The following PRDM2 variants were observed in gnomAD, a reference collection of about 807,000 sequenced individuals.
PRDM2 encodes PR domain zinc finger protein 2.
Under a neutral mutation model 130.0 loss-of-function variants are expected in PRDM2, and 30 were observed. The ratio of observed to expected loss-of-function variants is 0.23; its 90% CI spans 0.17 to 0.31. PRDM2 has a LOEUF of 0.31. Ranked by LOEUF, PRDM2 falls within the 10% of genes least tolerant of loss-of-function variation. PRDM2 has a pLI of 1.00. For synonymous variants in PRDM2, 871 were observed against 782.4 expected, an observed-to-expected ratio of 1.11 and a Z score of -1.89; for missense variants, 2,011 against 2,108.4, an observed-to-expected ratio of 0.95 and a Z score of 0.90.
chr1:13,741,780 C>T (rs532762922), intron 4 of PRDM2, among the ~76,000 whole-genome samples: 121 of 115,588 alleles, frequency 1.0e-3, no homozygotes, highest in African/African-American at 3.9e-3. Flanking sequence ...GTGGGGGGCG[C>T]GGGGCAAACA....
Position 13,823,290 on chromosome 1 carries a change from CGTGT to C in PRDM2, c.*160_*163del. ...ATGTGCGCGCGTGCATGTGTGCGTG[CGTGT>C]GTGTTCACGTGTTCTCGTGCGGGCG... On this transcript the variant is annotated 3_prime_UTR_variant, in exon 10 of 10. Transcript: ENST00000311066. The C allele has an allele frequency of 7.6e-7, 1 of 1,317,602 alleles. No individual in the cohort carries two copies. The highest frequency in any genetic ancestry group is 1.1e-6 in the Non-Finnish European group (1 of 926,294). 81.6% of individuals were successfully genotyped at this position (1,317,602 alleles called of 1,614,324 possible).
At chr1:13,741,766 A>C (rs369322156) in intron 4 of PRDM2, among the ~76,000 whole-genome samples, 3 of 59,384 alleles carry the variant, frequency 5.1e-5, no homozygotes, top group South Asian at 5.0e-4. Context: ...GTGTGTGTGT[A>C]GGGGTGGGGG....
intron 2 of PRDM2, among the ~76,000 whole-genome samples, chr1:13,718,998 A>G (rs928086781): frequency 6.6e-6 from 1 of 152,208 alleles, no homozygotes; most frequent in African/African-American, 2.4e-5. Context: ...TGGGTTCTGC[A>G]GTGAACTAGG....
At chr1:13,814,770 G>A (rs547883485) in intron 8 of PRDM2, among the ~76,000 whole-genome samples, 1 of 152,262 alleles carries the variant, frequency 6.6e-6, no homozygotes, top group South Asian at 2.1e-4. Flanking sequence ...TCCTGTTCCC[G>A]CAGGCAGAGC....
chr1:13,769,148 C>T (rs1255420999), intron 6 of PRDM2: 3 of 985,614 alleles, frequency 3.0e-6, no homozygotes, highest in African/African-American at 1.7e-5. Flanking sequence ...GGCAGTAGCG[C>T]CCTGTAGGAC....
At chr1:13,768,364 T>G (rs1180617930) in intron 6 of PRDM2, among the ~76,000 whole-genome samples, 2 of 150,476 alleles carry the variant, frequency 1.3e-5, no homozygotes, top group Non-Finnish European at 3.0e-5. Flanking sequence ...ATTACAGGCG[T>G]GAGCCACCGC....
chr1:13,806,736 C>T lies in PRDM2; in HGVS notation c.5037-9691C>T, dbSNP rs1396677419. 4.6e-5 allele frequency among the ~76,000 whole-genome samples: 7 copies of T among 152,190 alleles called. No individual in the cohort carries two copies. The highest frequency in any genetic ancestry group is 7.2e-5 in the African/African-American group (3 of 41,448). ...CCCCAGTTCCTTCCCTGTCAACCCA[C>T]GGTCTGTGCCCAGCACAGCAGCCAC... On this transcript the variant is annotated intron_variant, in intron 8 of 9. Transcript: ENST00000311066. This position sits in a 1 kb window ranked among gnomAD's most constrained non-coding sequence, Gnocchi z 4.1.
At chr1:13,810,262 A>G (rs1220993343) in intron 8 of PRDM2, among the ~76,000 whole-genome samples, 3 of 152,168 alleles carry the variant, frequency 2.0e-5, no homozygotes, top group Admixed American at 2.0e-4. Context: ...GGCCTGGCAC[A>G]TAGTATTTCC....
At chr1:13,730,734 T>A (rs763614369) in intron 2 of PRDM2, among the ~76,000 whole-genome samples, 5 of 152,202 alleles carry the variant, frequency 3.3e-5, no homozygotes, top group Non-Finnish European at 5.9e-5. Flanking sequence ...GCAGAGATTA[T>A]CATATTTTGG....
intron 4 of PRDM2, among the ~76,000 whole-genome samples, chr1:13,737,930 T>A (rs1465306600): frequency 6.6e-6 from 1 of 152,152 alleles, no homozygotes; most frequent in African/African-American, 2.4e-5. Context: ...CTCATGGAAA[T>A]TTTTATTTGT....
At chr1:13,763,003 G>A (rs923391172) in intron 6 of PRDM2, among the ~76,000 whole-genome samples, 4 of 152,202 alleles carry the variant, frequency 2.6e-5, no homozygotes, top group Non-Finnish European at 5.9e-5. Context: ...ATGGTGGGCC[G>A]AGTGATTAGG....
chr1:13,801,578 C>G (rs1210068667), intron 8 of PRDM2, among the ~76,000 whole-genome samples: 1 of 152,250 alleles, frequency 6.6e-6, no homozygotes, highest in Non-Finnish European at 1.5e-5. Context: ...CCTAACTTCT[C>G]TGTGCCTTAG....
At chr1:13,769,647 G>T (rs1441933728) in intron 6 of PRDM2, among the ~76,000 whole-genome samples, 3 of 152,142 alleles carry the variant, frequency 2.0e-5, no homozygotes, top group African/African-American at 7.2e-5. Context: ...TCAATTCCAT[G>T]GATGAATGAT....
chr1:13,769,095 T>A (rs1204163023), intron 6 of PRDM2: 1 of 976,876 alleles, frequency 1.0e-6, no homozygotes, highest in Admixed American at 6.2e-5. Flanking sequence ...TTCCCTTGTG[T>A]TTCATTCCTC....
rs1367677710 is a variant in PRDM2, at chr1:13,781,977, C to T, written c.4182C>T (p.Phe1394=). 6.2e-6 allele frequency: 10 copies of T among 1,614,032 alleles called. No individual in the cohort carries two copies. The Admixed American group carries it at 1.5e-4, about 24-fold the overall frequency. ...VVLDNSGKNA[F]RRMGQPKRLN... is the part of the protein sequence containing the mutation. ...TAGATAACTCTGGGAAAAATGCCTT[C>T]CGACGAATGGGACAGCCCAAAAGGC... The change falls in exon 8 of 10, where the codon TTC becomes TTT. Residue 1394 remains phenylalanine, a synonymous_variant. Transcript: ENST00000311066. The surrounding 1 kb of genome is among the most constrained non-coding windows in gnomAD (Gnocchi z 6.1).
At chr1:13,734,336 C>A (rs1220731216) in intron 4 of PRDM2, among the ~76,000 whole-genome samples, 1 of 152,166 alleles carries the variant, frequency 6.6e-6, no homozygotes, top group African/African-American at 2.4e-5. Flanking sequence ...GGGAAACTAA[C>A]AAATTGGCTC....
chr1:13,812,614 C>A (rs998502974), intron 8 of PRDM2, among the ~76,000 whole-genome samples: 1 of 152,188 alleles, frequency 6.6e-6, no homozygotes, highest in East Asian at 1.9e-4. Flanking sequence ...GCTCATTAGA[C>A]ATCCAAGTGG....
At chr1:13,821,730 G>A (rs1011710896) in intron 9 of PRDM2, among the ~76,000 whole-genome samples, 1 of 152,156 alleles carries the variant, frequency 6.6e-6, no homozygotes, top group African/African-American at 2.4e-5. Flanking sequence ...GCCTCCCAAA[G>A]TGCTGTGATT....
chr1:13,795,007 A>G (rs1644900927), intron 8 of PRDM2, among the ~76,000 whole-genome samples: 1 of 152,198 alleles, frequency 6.6e-6, no homozygotes, highest in African/African-American at 2.4e-5. Context: ...AACTAAAGAG[A>G]AGTGAGCTGT....
Sources: allele counts gnomAD v4.1 joint callset (sites outside exome capture counted in the v4.1 genomes callset), GRCh38; gene constraint gnomAD v4.1.1; non-coding constraint Gnocchi (gnomAD v3.1); transcripts MANE v1.5; gene names NCBI Gene and HGNC (gene_info 2026-07-23, HGNC 2026-07-21).